The following CDC5L variants were observed in gnomAD, a reference collection of about 807,000 sequenced individuals.
CDC5L encodes the protein cell division cycle 5-like protein.
A neutral mutation model predicts 104.1 loss-of-function variants in CDC5L; 18 were observed. That is an observed-to-expected ratio of 0.17 (90% CI 0.12 to 0.26). CDC5L has a LOEUF of 0.26. CDC5L is among the 10% of genes least tolerant of loss of function. The pLI is 1.00. For synonymous variants in CDC5L, 331 were observed against 322.7 expected (o/e 1.03, Z -0.28); for missense variants, 673 against 956.9 (o/e 0.70, Z 3.91).
At chr6:44,409,350 A>C (rs1247859001) in intron 8 of CDC5L, among the ~76,000 whole-genome samples, 1 of 152,176 alleles carries the variant, frequency 6.6e-6, no homozygotes, top group Non-Finnish European at 1.5e-5. Context: ...TTTGGCTTTC[A>C]CACCCTCTGT....
intron 7 of CDC5L, among the ~76,000 whole-genome samples, chr6:44,407,769 T>C (rs1791440975): frequency 6.6e-6 from 1 of 152,226 alleles, no homozygotes; most frequent in Non-Finnish European, 1.5e-5. Context: ...ACAAGATTCT[T>C]GGGCATAAAC....
intron 8 of CDC5L, among the ~76,000 whole-genome samples, chr6:44,411,432 T>G (rs186800624): frequency 1.4e-5 from 2 of 143,406 alleles, no homozygotes; most frequent in African/African-American, 5.2e-5. Context: ...GGGAACCTAG[T>G]TGGGGAAAAA....
chr6:44,422,342 T>G (rs866308641), intron 9 of CDC5L, among the ~76,000 whole-genome samples: 1 of 152,220 alleles, frequency 6.6e-6, no homozygotes, highest in Non-Finnish European at 1.5e-5. Context: ...GCCCACTGCA[T>G]GTTCTTAGTC....
At chr6:44,402,557 G>A (rs1442787919) in intron 5 of CDC5L, among the ~76,000 whole-genome samples, 1 of 152,080 alleles carries the variant, frequency 6.6e-6, no homozygotes, top group African/African-American at 2.4e-5. Context: ...TTTGTAACTT[G>A]TTTTCCATCT....
At position 44,426,472 on chromosome 6, in the gene CDC5L, A is replaced by G. The variant is rs11572022; in HGVS notation, c.1651-10A>G. 313 of 1,384,162 alleles carry G rather than the reference A, an allele frequency of 2.3e-4. 2 individuals are homozygous for G. The East Asian group carries it at 5.0e-3, about 22-fold the overall frequency. The allele number at this position is 1,384,162 out of a possible 1,614,324, so 85.7% of individuals were successfully genotyped here. On this transcript the variant is annotated splice_polypyrimidine_tract_variant and intron_variant, in intron 12 of 15. Coordinates refer to ENST00000371477, the MANE Select transcript of CDC5L (RefSeq NM_001253.4). ...TATGTTTGGTAATTGTATTTGTTTT[A>G]AAATTTTAGGTAAATGAAACTATTC...
intron 8 of CDC5L, among the ~76,000 whole-genome samples, chr6:44,415,325 T>A (rs145066531): frequency 3.0e-4 from 45 of 152,310 alleles, no homozygotes; most frequent in Non-Finnish European, 4.4e-4. Flanking sequence ...TGCAGTAAGT[T>A]TGGGGCTTGT....
Position 44,419,511 on chromosome 6 carries a change from C to G in CDC5L, c.1155C>G (p.Thr385=), listed in dbSNP as rs764656920. 2.5e-6 allele frequency: 4 copies of G among 1,613,772 alleles called. No homozygotes were observed. The Admixed American group carries it at 6.7e-5, about 27-fold the overall frequency. ...VDTPLKGGLN[T]PLHESDFSGV... ...CCCCATTGAAAGGTGGACTTAATAC[C>G]CCATTGCATGAGAGTGACTTCTCAG... The change falls in exon 9 of 16, where the codon ACC becomes ACG. Residue 385 remains threonine, a synonymous_variant. Transcript: ENST00000371477.
At chr6:44,393,284 T>C (rs1457587846) in intron 3 of CDC5L, among the ~76,000 whole-genome samples, 162 bp from the exon 4 acceptor site, 1 of 151,698 alleles carries the variant, frequency 6.6e-6, no homozygotes, top group East Asian at 1.9e-4. Context: ...CAAATTTTAA[T>C]ATCATTTCTT....
chr6:44,441,416 C>T (rs576669902), intron 14 of CDC5L, among the ~76,000 whole-genome samples: 29 of 152,228 alleles, frequency 1.9e-4, no homozygotes, highest in Non-Finnish European at 3.5e-4. Context: ...CTGTAAAGAA[C>T]GTGGAAGTGC....
At chr6:44,399,943 C>T (rs1419926835) in intron 5 of CDC5L, among the ~76,000 whole-genome samples, 2 of 152,098 alleles carry the variant, frequency 1.3e-5, no homozygotes, top group Admixed American at 6.5e-5. Context: ...AGCCACCACA[C>T]CTGGCTACTT....
intron 10 of CDC5L, 49 bp downstream of exon 10, chr6:44,422,858 C>A: frequency 1.5e-6 from 2 of 1,294,942 alleles, no homozygotes; most frequent in South Asian, 1.4e-5. Context: ...TTTAATATCT[C>A]ATGGATGCCA....
rs549324401 is a variant in CDC5L, at chr6:44,396,348, T to G, written c.447T>G (p.Leu149=). The G allele has an allele frequency of 1.5e-4, 240 of 1,605,074 alleles. 2 individuals are homozygous for G. In the South Asian group the frequency reaches 2.3e-3, roughly 16 times the overall value. Residue 149 remains leucine, a synonymous_variant, in exon 5 of 16, where the codon CTT becomes CTG. Coordinates refer to ENST00000371477, the MANE Select transcript of CDC5L (RefSeq NM_001253.4). Reference sequence around the variant, plus strand: ...TTCTTTTAATTTTTGCAGATGAACTTGAGATGCTTTCTGAAGCCAGAGCCC... The same window carrying G: ...TTCTTTTAATTTTTGCAGATGAACTGGAGATGCTTTCTGAAGCCAGAGCCC... ...PDPIDMDEDE[L]EMLSEARARL...
intron 14 of CDC5L, among the ~76,000 whole-genome samples, chr6:44,444,589 C>T (rs538507123): frequency 7.2e-5 from 11 of 152,056 alleles, no homozygotes; most frequent in Non-Finnish European, 1.5e-4. Context: ...TGTCAAGTAG[C>T]GACTGGAAGA....
chr6:44,423,329 A>G (rs1792275346), intron 10 of CDC5L, among the ~76,000 whole-genome samples: 1 of 152,236 alleles, frequency 6.6e-6, no homozygotes, highest in Non-Finnish European at 1.5e-5. Context: ...AATTAAATAG[A>G]TTAAGAACCT....
chr6:44,440,242 C>CT (rs770556481), intron 14 of CDC5L, among the ~76,000 whole-genome samples: 5,112 of 138,864 alleles, frequency 0.037, 101 homozygotes, highest in Non-Finnish European at 0.049. Context: ...TTGACTTAGA[C>CT]TTTTTTTTTT....
intron 14 of CDC5L, among the ~76,000 whole-genome samples, chr6:44,442,375 TTGTGTGTGTGTG>T (rs149528659): frequency 4.1e-4 from 60 of 145,116 alleles, no homozygotes; most frequent in African/African-American, 1.2e-3. Context: ...TGTGTGTATG[TTGTGTGTGTGTG>T]TGTGTGTGTG....
intron 13 of CDC5L, among the ~76,000 whole-genome samples, chr6:44,429,308 C>T (rs934386929): frequency 1.3e-5 from 2 of 152,114 alleles, no homozygotes; most frequent in African/African-American, 2.4e-5. Context: ...GAGGGAGCCA[C>T]CGTGCCTGGC....
intron 14 of CDC5L, among the ~76,000 whole-genome samples, chr6:44,431,077 G>A (rs1792661845): frequency 6.6e-6 from 1 of 152,164 alleles, no homozygotes; most frequent in Non-Finnish European, 1.5e-5. Flanking sequence ...CACTTGGGGT[G>A]GTTGGGGCTG....
At chr6:44,440,187 C>G (rs1793115058) in intron 14 of CDC5L, among the ~76,000 whole-genome samples, 1 of 151,546 alleles carries the variant, frequency 6.6e-6, no homozygotes, top group Admixed American at 6.6e-5. Context: ...GTTTGTAAGG[C>G]ACATAACATG....
Sources: gnomAD v4.1 joint callset for allele counts (sites outside exome capture counted in the v4.1 genomes callset) on GRCh38, gnomAD v4.1.1 for gene constraint, MANE v1.5 for transcripts, NCBI Gene and HGNC (gene_info 2026-07-23, HGNC 2026-07-21) for gene names.